MAPK10: variants seen among roughly 807,000 people sequenced by gnomAD.
MAPK10 encodes the protein JNK3 alpha protein kinase.
A neutral mutation model predicts 59.3 loss-of-function variants in MAPK10; 25 were observed. The observed-to-expected ratio is 0.42, with a 90% confidence interval of 0.31 to 0.59. MAPK10 has a LOEUF of 0.59. Among genes scored for constraint, MAPK10 ranks in the 20% least tolerant of loss-of-function variants. MAPK10 has a pLI of 0.15. For synonymous variants in MAPK10, 190 were observed against 200.5 expected (o/e 0.95, Z 0.44); for missense variants, 351 against 568.9 (o/e 0.62, Z 3.90).
intron 1 of MAPK10, among the ~76,000 whole-genome samples, chr4:86,588,025 T>C (rs1385107497): frequency 6.6e-6 from 1 of 152,160 alleles, no homozygotes; most frequent in Non-Finnish European, 1.5e-5. Context: ...AAGACCCATC[T>C]TTTAAAAGGA....
At chr4:86,505,739 AT>A in intron 1 of MAPK10, among the ~76,000 whole-genome samples, 1 of 152,308 alleles carries the variant, frequency 6.6e-6, no homozygotes, top group Middle Eastern at 3.4e-3. Flanking sequence ...ATAAAGAAAG[AT>A]ATCCTATGAA....
chr4:86,300,043 C>T (rs1182807809), intron 2 of MAPK10, among the ~76,000 whole-genome samples: 2 of 151,984 alleles, frequency 1.3e-5, no homozygotes, highest in African/African-American at 4.8e-5. Flanking sequence ...CAGGTGTGCA[C>T]CACCACACCT....
intron 1 of MAPK10, among the ~76,000 whole-genome samples, chr4:86,356,043 T>TCACACACA (rs34547847): frequency 2.0e-5 from 3 of 149,220 alleles, no homozygotes; most frequent in Admixed American, 6.7e-5. Context: ...TTGTTTTTCT[T>TCACACACA]CACACACACA....
intron 1 of MAPK10, among the ~76,000 whole-genome samples, chr4:86,591,163 G>A (rs1357210458): frequency 6.6e-6 from 1 of 152,040 alleles, no homozygotes; most frequent in Admixed American, 6.6e-5. Flanking sequence ...GGCTCAAACA[G>A]CCCTCCTGCC....
rs144112286 is a variant in MAPK10, at chr4:86,519,603, T to C, written c.-263+74307A>G. Reference sequence around the variant, plus strand: ...CATTCAGCATCTTTTAAGTGGAGCATTTAGGCCATCGTTAGTATTGAAATG... The same window carrying C: ...CATTCAGCATCTTTTAAGTGGAGCACTTAGGCCATCGTTAGTATTGAAATG... On this transcript the variant is annotated intron_variant, in intron 1 of 4. Coordinates refer to the MAPK10 transcript ENST00000502302. Among the ~76,000 whole-genome samples, 1,334 of 152,278 alleles carry C rather than the reference T, an allele frequency of 8.8e-3. 6 individuals carry two copies. The highest frequency in any genetic ancestry group is 0.014 in the Non-Finnish European group (956 of 68,000).
intron 1 of MAPK10, among the ~76,000 whole-genome samples, chr4:86,372,564 G>GAAAGAAAGAAAGAAAGGAAAGGA: frequency 1.3e-5 from 1 of 78,690 alleles, no homozygotes; most frequent in African/African-American, 4.4e-5. Flanking sequence ...AAGAAAGAAA[G>GAAAGAAAGAAAGAAAGGAAAGGA]AAAGAAAAGA....
At chr4:86,137,118 C>A (rs1430906280) in intron 4 of MAPK10, among the ~76,000 whole-genome samples, 5 of 150,576 alleles carry the variant, frequency 3.3e-5, no homozygotes, top group Non-Finnish European at 5.9e-5. Flanking sequence ...CAACATTAGA[C>A]AGATCAACGA....
At chr4:86,073,409 T>G (rs572374794) in intron 9 of MAPK10, among the ~76,000 whole-genome samples, 191 of 150,382 alleles carry the variant, frequency 1.3e-3, no homozygotes, top group African/African-American at 4.5e-3. Context: ...TCTGCTCTGA[T>G]TTTTGTTATT....
intron 1 of MAPK10, among the ~76,000 whole-genome samples, chr4:86,385,534 C>G (rs1342600171): frequency 6.6e-6 from 1 of 152,040 alleles, no homozygotes; most frequent in African/African-American, 2.4e-5. Flanking sequence ...AATCATTGGT[C>G]CTTTATAAAT....
Position 86,017,721 on chromosome 4 carries a change from T to TTTTA in MAPK10, c.1253-355_1253-352dup, listed in dbSNP as rs1744045990. ...TTGGGTGAGGCCAAGGTATTTGCAT[T>TTTTA]TTTATTTATTTATTTTTTTTGAGAT... On this transcript the variant is annotated intron_variant, in intron 13 of 13. Transcript: ENST00000641462. The surrounding 1 kb of genome is among the most constrained non-coding windows in gnomAD (Gnocchi z 4.4). Among the ~76,000 whole-genome samples, 1 of 152,130 alleles carries TTTTA rather than the reference T, an allele frequency of 6.6e-6. No homozygotes were observed. Among genetic ancestry groups the TTTTA allele is most frequent in the African/African-American group, 2.4e-5 (1 of 41,444 alleles).
rs116330928 is a variant in MAPK10, at chr4:86,343,633, C to T, written c.-7+10897G>A. Among the ~76,000 whole-genome samples the T allele has an allele frequency of 9.3e-3, 1,411 of 152,168 alleles. 13 individuals carry two copies. The highest frequency in any genetic ancestry group is 0.016 in the Non-Finnish European group (1,061 of 68,018). ...TGTCCCCAAGACCTTTTCATGTGGC[C>T]CCCAAATTAGTCAAAACTAATTCCA... is the stretch of plus-strand genomic sequence containing the variant. On this transcript the variant is annotated intron_variant, in intron 2 of 13. Coordinates refer to ENST00000641462, the MANE Select transcript of MAPK10 (RefSeq NM_138982.4).
intron 3 of MAPK10, chr4:86,193,438 G>A (rs1037126487): frequency 6.6e-6 from 1 of 152,386 alleles, no homozygotes; most frequent in Admixed American, 6.5e-5. Context: ...CTTTCTTTCA[G>A]AGATGCCCTG....
chr4:86,544,873 G>T (rs936441599), intron 1 of MAPK10, among the ~76,000 whole-genome samples: 8 of 150,974 alleles, frequency 5.3e-5, no homozygotes, highest in Admixed American at 2.0e-4. Flanking sequence ...AAACTGAAAG[G>T]TTTTTTTCTT....
At chr4:86,448,033 T>C (rs754812736) in intron 1 of MAPK10, among the ~76,000 whole-genome samples, 1 of 152,194 alleles carries the variant, frequency 6.6e-6, no homozygotes, top group Non-Finnish European at 1.5e-5. Flanking sequence ...ATGAAAATAA[T>C]AATGGTTCCT....
intron 3 of MAPK10, among the ~76,000 whole-genome samples, chr4:86,169,366 T>C (rs1309186269): frequency 6.6e-6 from 1 of 152,010 alleles, no homozygotes; most frequent in Non-Finnish European, 1.5e-5. Context: ...GAGAAGTGCT[T>C]AAAGGAGTGG....
intron 9 of MAPK10, among the ~76,000 whole-genome samples, chr4:86,075,011 CT>C: frequency 6.8e-6 from 1 of 147,624 alleles, no homozygotes; most frequent in Admixed American, 6.7e-5. Flanking sequence ...TTCCATTCTC[CT>C]CATCACTTTC....
intron 2 of MAPK10, among the ~76,000 whole-genome samples, chr4:86,253,397 T>C (rs1476360425): frequency 8.4e-6 from 1 of 119,446 alleles, no homozygotes; most frequent in East Asian, 2.0e-4. Flanking sequence ...TTGTTGAATT[T>C]TGTCAAAGGC....
At chr4:86,373,958 A>T (rs1423161042) in intron 1 of MAPK10, among the ~76,000 whole-genome samples, 1 of 152,226 alleles carries the variant, frequency 6.6e-6, no homozygotes, top group African/African-American at 2.4e-5. Flanking sequence ...ATGCACACGT[A>T]TGTTTATTGC....
intron 1 of MAPK10, among the ~76,000 whole-genome samples, chr4:86,410,923 T>G (rs1024763034): frequency 1.3e-5 from 2 of 152,178 alleles, no homozygotes; most frequent in African/African-American, 4.8e-5. Context: ...TGATCTTAGT[T>G]ATTTCTTGCC....
Sources: gnomAD v4.1 joint callset for allele counts (sites outside exome capture counted in the v4.1 genomes callset) on GRCh38, gnomAD v4.1.1 for gene constraint, Gnocchi (gnomAD v3.1) non-coding constraint, MANE v1.5 for transcripts, NCBI Gene and HGNC (gene_info 2026-07-23, HGNC 2026-07-21) for gene names.